ITSN1: variants seen among roughly 807,000 people sequenced by gnomAD.
The protein encoded by ITSN1 is intersectin 1, also known as intersectin-1.
ITSN1 carries 58 observed loss-of-function variants against 239.8 expected under a neutral mutation model. The observed-to-expected ratio is 0.24, with a 90% CI of 0.20 to 0.30. The LOEUF (loss-of-function observed/expected upper bound fraction) is 0.30, where lower values mean the gene tolerates loss of function less well. ITSN1 is among the 10% of genes least tolerant of loss of function. ITSN1 has a pLI of 1.00. For missense variants in ITSN1, 1,558 were observed against 2,103.3 expected (o/e 0.74, Z 5.07); for synonymous variants, 780 against 770.8 (o/e 1.01, Z -0.20).
At chr21:33,855,662 G>T (rs192144664) in intron 29 of ITSN1, among the ~76,000 whole-genome samples, 2 of 152,380 alleles carry the variant, frequency 1.3e-5, no homozygotes, top group East Asian at 3.9e-4. Flanking sequence ...CAAGCTAAGT[G>T]GGCAGAGTCA....
rs2069466169 is a variant in ITSN1, at chr21:33,774,781, G to A, written c.1358G>A (p.Arg453Gln). 6 of 1,614,012 alleles carry A rather than the reference G, an allele frequency of 3.7e-6. No homozygotes were observed. The highest frequency in any genetic ancestry group is 1.7e-5 in the Admixed American group (1 of 60,000). ...CGACAACTTGAGTGGGAACGGAATC[G>A]AAGGCAAGAACTACTAAATCAAAGA... ...RQRQLEWERN[R>Q]RQELLNQRNK... The change falls in exon 13 of 40, where the codon CGA (arginine) becomes CAA (glutamine). Residue 453 changes from arginine to glutamine, a missense_variant. Around this residue, in one of 2 missense-constraint regions of ITSN1, gnomAD observed 982 missense variants for 1,209.9 expected, o/e 0.81. Coordinates refer to ENST00000381318, the MANE Select transcript of ITSN1 (RefSeq NM_003024.3).
chr21:33,723,601 G>A (rs1380858732), intron 4 of ITSN1, among the ~76,000 whole-genome samples: 1 of 152,070 alleles, frequency 6.6e-6, no homozygotes, highest in Non-Finnish European at 1.5e-5. Flanking sequence ...GCGACAGAGC[G>A]AGACTCCGTC....
At chr21:33,777,958 C>T (rs7275259) in intron 14 of ITSN1, among the ~76,000 whole-genome samples, 34,460 of 152,010 alleles carry the variant, frequency 0.23, 6,390 homozygotes, top group African/African-American at 0.51. Flanking sequence ...TGGACTTCTC[C>T]TTTTGCTGAG....
chr21:33,733,698 G>A (rs1012976902), intron 4 of ITSN1, among the ~76,000 whole-genome samples: 6 of 152,076 alleles, frequency 3.9e-5, no homozygotes, highest in Admixed American at 3.3e-4. Context: ...AAATGGCCAC[G>A]AAATACAGAA....
chr21:33,663,632 T>C (rs936938403), intron 1 of ITSN1, among the ~76,000 whole-genome samples: 3 of 152,214 alleles, frequency 2.0e-5, no homozygotes, highest in African/African-American at 4.8e-5. Context: ...GATGGAGTTT[T>C]GCTGTTGTTG....
chr21:33,817,854 G>A (rs1265475071), intron 22 of ITSN1: 1 of 330,468 alleles, frequency 3.0e-6, no homozygotes, highest in African/African-American at 2.1e-5. Flanking sequence ...TCTCATGATA[G>A]TTCATAAAAT....
rs759829776 is a variant in ITSN1 at position 33,775,040 on chromosome 21, A to G, written c.1528A>G (p.Ile510Val). 8.1e-6 allele frequency: 13 copies of G among 1,614,158 alleles called. No individual in the cohort carries two copies. The South Asian group carries it at 1.2e-4, about 15-fold the overall frequency. Residue 510 changes from isoleucine (I) to valine (V), a missense_variant, in exon 14 of 40, where the codon ATT (isoleucine) becomes GTT (valine). Physicochemically the swap from Ile to Val is conservative, Grantham distance 29. Transcript: ENST00000381318. ...TCGATTGACCACCCAAAGGCAAGAA[A>G]TTGAGAGCACAAACAAATCTAGAGA... Reference protein sequence around the residue: ...RCRLTTQRQEIESTNKSRELR... With the variant: ...RCRLTTQRQEVESTNKSRELR...
At chr21:33,660,989 A>G (rs2089508096) in intron 1 of ITSN1, among the ~76,000 whole-genome samples, 1 of 152,240 alleles carries the variant, frequency 6.6e-6, no homozygotes, top group East Asian at 1.9e-4. Flanking sequence ...CGTGTTTGTT[A>G]TCACCACCCA....
At chr21:33,699,360 A>G (rs1195863954) in intron 1 of ITSN1, among the ~76,000 whole-genome samples, 1 of 152,118 alleles carries the variant, frequency 6.6e-6, no homozygotes, top group Non-Finnish European at 1.5e-5. Flanking sequence ...GTACCATAAT[A>G]AAAATCTGTT....
chr21:33,831,772 C>G (rs1201873914), intron 27 of ITSN1, among the ~76,000 whole-genome samples: 2 of 152,150 alleles, frequency 1.3e-5, no homozygotes, highest in African/African-American at 4.8e-5. Context: ...TGGAGTGTAA[C>G]TAAAGATGAA....
At chr21:33,644,649 T>G (rs1470062308) in intron 1 of ITSN1, among the ~76,000 whole-genome samples, 5 of 151,176 alleles carry the variant, frequency 3.3e-5, no homozygotes, top group Non-Finnish European at 5.9e-5. Flanking sequence ...TTTGTCGCTG[T>G]TAGCATTTTT....
intron 27 of ITSN1, 82 bp from the exon 28 acceptor site, chr21:33,834,225 A>T: frequency 1.1e-6 from 1 of 949,444 alleles, no homozygotes; most frequent in Non-Finnish European, 1.7e-6. Context: ...TGTAAGCTTT[A>T]CATAAGTGCT....
At chr21:33,643,202 C>CG (rs1555837357) in intron 1 of ITSN1, among the ~76,000 whole-genome samples, 1 of 151,726 alleles carries the variant, frequency 6.6e-6, no homozygotes, top group Non-Finnish European at 1.5e-5. Context: ...GCTCCTTCCT[C>CG]GGCCCCTCGC....
rs1391396183 is a variant in ITSN1, at chr21:33,735,161, C to G, written c.303C>G (p.Val101=). ...GYQLPSALPP[V]MKQQPVAISS... ...AGCTACCCTCTGCACTTCCCCCTGT[C>G]ATGAAACAGCAACCAGTTGCTATTT... Residue 101 remains valine, a synonymous_variant, in exon 5 of 40, where the codon GTC becomes GTG. Transcript: ENST00000381318. 1.1e-5 allele frequency: 17 copies of G among 1,613,766 alleles called. No individual in the cohort carries two copies. The highest frequency in any genetic ancestry group is 1.4e-5 in the Non-Finnish European group (16 of 1,179,890).
At chr21:33,885,259 G>T in intron 37 of ITSN1, 136 bp downstream of exon 37, 2 of 958,552 alleles carry the variant, frequency 2.1e-6, no homozygotes, top group East Asian at 2.5e-5. Flanking sequence ...AGTGAGCTTG[G>T]GGTGGGATGC....
chr21:33,861,293 AG>A (rs1440452408), intron 31 of ITSN1, among the ~76,000 whole-genome samples: 7 of 151,810 alleles, frequency 4.6e-5, no homozygotes, highest in African/African-American at 1.7e-4. Flanking sequence ...CAGCCGAGAG[AG>A]GGAGGCATTT....
chr21:33,876,828 C>T (rs1053707597), intron 34 of ITSN1, among the ~76,000 whole-genome samples: 1 of 152,050 alleles, frequency 6.6e-6, no homozygotes, highest in Admixed American at 6.6e-5. Context: ...GCTATGATCA[C>T]GCTACTATAC....
In ITSN1 at chr21:33,898,224, C is replaced by T. The variant is rs1291249600; in HGVS notation, c.*9924C>T. 6.6e-6 allele frequency: 1 copy of T among 152,220 alleles called. No individual in the cohort carries two copies. The highest frequency in any genetic ancestry group is 6.5e-5 in the Admixed American group (1 of 15,284). 9.4% of individuals were successfully genotyped at this position (152,220 alleles called of 1,614,324 possible). A position where few individuals can be genotyped will look rare whatever the true frequency, so the allele number is the denominator to read the frequency against. On this transcript the variant is annotated 3_prime_UTR_variant, in exon 40 of 40. Coordinates refer to ENST00000381318, the MANE Select transcript of ITSN1 (RefSeq NM_003024.3). ...CAGGTCGCCCTTTCTACTTCTGTAT[C>T]TGGATTGATTCAGTTTATCCCTAAT...
chr21:33,719,480 C>G (rs935959308), intron 2 of ITSN1, among the ~76,000 whole-genome samples: 1 of 152,180 alleles, frequency 6.6e-6, no homozygotes. Context: ...ATTATTGTAC[C>G]TGTAAAATGT....
Sources: allele counts gnomAD v4.1 joint callset (sites outside exome capture counted in the v4.1 genomes callset), GRCh38; gene constraint gnomAD v4.1.1; regional missense constraint gnomAD v4.1.1; transcripts MANE v1.5; gene names NCBI Gene and HGNC (gene_info 2026-07-23, HGNC 2026-07-21).